The following LUZP2 variants were observed in gnomAD, a reference collection of about 807,000 sequenced individuals.
The protein encoded by LUZP2 is leucine zipper protein 2.
A neutral mutation model predicts 51.6 loss-of-function variants in LUZP2; 52 were observed. The ratio of observed to expected loss-of-function variants is 1.01; its 90% CI spans 0.81 to 1.27. The LOEUF (loss-of-function observed/expected upper bound fraction) is 1.27. Ranked by LOEUF, LUZP2 falls within the 50% of genes most tolerant of loss-of-function variation. LUZP2 has a pLI of 0.00. For missense variants in LUZP2, 436 were observed against 395.4 expected (o/e 1.10, Z -0.87); for synonymous variants, 154 against 137.3 (o/e 1.12, Z -0.85).
chr11:24,814,588 T>C (rs1453419056), intron 5 of LUZP2, among the ~76,000 whole-genome samples: 1 of 152,230 alleles, frequency 6.6e-6, no homozygotes, highest in Non-Finnish European at 1.5e-5. Context: ...AATGGTTTCT[T>C]TATCGACCCA....
rs188664060 is a variant in LUZP2 at position 24,750,582 on chromosome 11, A to G, written c.333+12280A>G. Among the ~76,000 whole-genome samples the G allele has an allele frequency of 1.1e-4, 17 of 152,322 alleles. 1 individual carries two copies. Among genetic ancestry groups the G allele is most frequent in the Admixed American group, 8.5e-4 (13 of 15,294 alleles). ...AATAATGTATTCAAAAACCAATATG[A>G]AGACAAAATATTAAATAGGCTCACT... is the stretch of plus-strand genomic sequence containing the variant. On this transcript the variant is annotated intron_variant, in intron 4 of 11. Transcript: ENST00000336930.
chr11:24,888,522 G>T (rs1008480050), intron 5 of LUZP2, among the ~76,000 whole-genome samples: 1 of 151,950 alleles, frequency 6.6e-6, no homozygotes, highest in Non-Finnish European at 1.5e-5. Context: ...TAAATATTTT[G>T]TCATCCTCTG....
intron 7 of LUZP2, among the ~76,000 whole-genome samples, chr11:24,930,204 G>T (rs796107176): frequency 9.2e-5 from 14 of 152,266 alleles, no homozygotes; most frequent in African/African-American, 3.4e-4. Flanking sequence ...TGCCTTTTAA[G>T]TGAAGCATTT....
chr11:24,709,410 G>A (rs1345341744), intron 1 of LUZP2, among the ~76,000 whole-genome samples: 1 of 152,004 alleles, frequency 6.6e-6, no homozygotes, highest in Non-Finnish European at 1.5e-5. Flanking sequence ...TTCAGGAAAT[G>A]GAATAAAAGG....
chr11:24,723,561 C>G (rs1565099427), intron 1 of LUZP2, among the ~76,000 whole-genome samples: 1 of 152,214 alleles, frequency 6.6e-6, no homozygotes, highest in Non-Finnish European at 1.5e-5. Flanking sequence ...CACGGCGGCC[C>G]ATGCCTATAA....
chr11:24,715,656 A>G (rs1858014801), intron 1 of LUZP2, among the ~76,000 whole-genome samples: 1 of 151,840 alleles, frequency 6.6e-6, no homozygotes, highest in Non-Finnish European at 1.5e-5. Context: ...CTTCCATGAA[A>G]TTTTCTGTGA....
intron 10 of LUZP2, among the ~76,000 whole-genome samples, chr11:25,059,704 T>G (rs1453143155): frequency 6.6e-6 from 1 of 152,172 alleles, no homozygotes; most frequent in Non-Finnish European, 1.5e-5. Flanking sequence ...GAGACTATTT[T>G]CTTTCCCTGT....
intron 10 of LUZP2, among the ~76,000 whole-genome samples, chr11:25,076,546 AG>A (rs747823208): frequency 2.0e-5 from 3 of 150,344 alleles, no homozygotes; most frequent in Non-Finnish European, 3.0e-5. Context: ...GGAGGAAGGA[AG>A]AGAGGAGGGA....
At position 24,950,906 on chromosome 11, in the gene LUZP2, C is replaced by G. The variant is rs538439197; in HGVS notation, c.523-25685C>G. On this transcript the variant is annotated intron_variant, in intron 7 of 11. Transcript: ENST00000336930. ...CACATGAAAAATCCATTAATCAAGA[C>G]ATTGATAAGAAAGTTTTTTAGTTTT... Among the ~76,000 whole-genome samples the G allele has an allele frequency of 2.0e-5, 3 of 151,508 alleles. No homozygotes were observed. In the East Asian group the frequency reaches 5.8e-4, roughly 29 times the overall value.
chr11:24,864,365 G>A (rs1378166302), intron 5 of LUZP2, among the ~76,000 whole-genome samples: 1 of 152,106 alleles, frequency 6.6e-6, no homozygotes, highest in Non-Finnish European at 1.5e-5. Context: ...GATTTTTTGT[G>A]CCTTTATAAT....
At chr11:24,690,064 G>C (rs140209754) in intron 1 of LUZP2, among the ~76,000 whole-genome samples, 1 of 152,204 alleles carries the variant, frequency 6.6e-6, no homozygotes, top group African/African-American at 2.4e-5. Context: ...GGGAGGAATA[G>C]ATTAGATGAG....
At chr11:25,028,696 T>G (rs1857566896) in intron 9 of LUZP2, among the ~76,000 whole-genome samples, 1 of 152,080 alleles carries the variant, frequency 6.6e-6, no homozygotes. Context: ...GCATGTTTTT[T>G]TTTTTTACTT....
chr11:24,699,085 A>AC (rs1857338491), intron 1 of LUZP2, among the ~76,000 whole-genome samples: 2 of 121,516 alleles, frequency 1.6e-5, no homozygotes, highest in Admixed American at 1.8e-4. Context: ...CAAACCACAG[A>AC]AACACACACA....
intron 8 of LUZP2, among the ~76,000 whole-genome samples, chr11:24,981,941 G>T (rs1471853687): frequency 4.5e-5 from 1 of 22,400 alleles, no homozygotes; most frequent in Non-Finnish European, 2.3e-3. Context: ...TAAAAAATAG[G>T]CAAAGGACAT....
intron 10 of LUZP2, among the ~76,000 whole-genome samples, chr11:25,058,420 T>C (rs1227686205): frequency 6.6e-6 from 1 of 152,156 alleles, no homozygotes; most frequent in Non-Finnish European, 1.5e-5. Context: ...ATTATAAAAA[T>C]CATTGGCCAA....
chr11:24,602,334 A>ATC (rs1853756589), intron 1 of LUZP2, among the ~76,000 whole-genome samples: 1 of 144,828 alleles, frequency 6.9e-6, no homozygotes, highest in African/African-American at 2.5e-5. Flanking sequence ...ACACATATAT[A>ATC]TACATATATA....
intron 1 of LUZP2, among the ~76,000 whole-genome samples, chr11:24,597,820 C>A (rs750925881): frequency 4.6e-5 from 7 of 152,032 alleles, no homozygotes; most frequent in Non-Finnish European, 1.0e-4. Flanking sequence ...ATACTCATCA[C>A]CAGCCACCAT....
At chr11:24,729,502 C>T (rs1440137837) in intron 2 of LUZP2, among the ~76,000 whole-genome samples, 1 of 151,886 alleles carries the variant, frequency 6.6e-6, no homozygotes, top group African/African-American at 2.4e-5. Flanking sequence ...AAATTGTGTT[C>T]TTGGCAGAGC....
At chr11:25,011,993 G>A (rs1172346870) in intron 9 of LUZP2, among the ~76,000 whole-genome samples, 3 of 152,122 alleles carry the variant, frequency 2.0e-5, no homozygotes, top group African/African-American at 4.8e-5. Context: ...GAAGGCTTGT[G>A]TATAGACACA....
Sources: allele counts gnomAD v4.1 joint callset (sites outside exome capture counted in the v4.1 genomes callset), GRCh38; gene constraint gnomAD v4.1.1; transcripts MANE v1.5; gene names NCBI Gene and HGNC (gene_info 2026-07-23, HGNC 2026-07-21).